AVEN: variants seen among roughly 807,000 people sequenced by gnomAD.
AVEN encodes the protein cell death regulator Aven.
Under a neutral mutation model 38.1 loss-of-function variants are expected in AVEN, and 41 were observed. The ratio of observed to expected loss-of-function variants is 1.08; its 90% CI spans 0.84 to 1.40. The LOEUF is 1.40. Ranked by LOEUF, AVEN falls within the 40% of genes most tolerant of loss-of-function variation. The pLI, the probability that AVEN is intolerant of heterozygous loss-of-function variation, is 0.00. For synonymous variants in AVEN, 206 were observed against 171.8 expected, an observed-to-expected ratio of 1.20 and a Z score of -1.56; for missense variants, 605 against 438.8, an observed-to-expected ratio of 1.38 and a Z score of -3.38.
chr15:33,924,535 T>C (rs1489192621), intron 2 of AVEN, among the ~76,000 whole-genome samples: 1 of 152,184 alleles, frequency 6.6e-6, no homozygotes, highest in Non-Finnish European at 1.5e-5. Flanking sequence ...TTGCCCAGAC[T>C]GGTCTTCAAC....
At chr15:33,930,559 A>G (rs1395893916) in intron 2 of AVEN, among the ~76,000 whole-genome samples, 1 of 152,214 alleles carries the variant, frequency 6.6e-6, no homozygotes, top group Non-Finnish European at 1.5e-5. Context: ...AACAGCCTAC[A>G]TATACTTTCT....
At chr15:33,946,992 C>A (rs961220351) in intron 2 of AVEN, among the ~76,000 whole-genome samples, 2 of 152,120 alleles carry the variant, frequency 1.3e-5, no homozygotes, top group Non-Finnish European at 2.9e-5. Flanking sequence ...GGCTGGTTGT[C>A]AGCAGTTTCA....
intron 2 of AVEN, among the ~76,000 whole-genome samples, chr15:33,912,702 T>C (rs745810066): frequency 6.6e-6 from 1 of 152,170 alleles, no homozygotes; most frequent in Non-Finnish European, 1.5e-5. Flanking sequence ...AACAAATCAA[T>C]TGTCACAAGA....
intron 2 of AVEN, chr15:33,990,713 A>G (rs570002110): frequency 6.6e-6 from 1 of 152,240 alleles, no homozygotes; most frequent in Non-Finnish European, 1.5e-5. Context: ...AGTGAAAACA[A>G]TGGCTGCTCT....
At chr15:34,035,218 A>C (rs1314588827) in intron 1 of AVEN, among the ~76,000 whole-genome samples, 3 of 152,222 alleles carry the variant, frequency 2.0e-5, no homozygotes, top group African/African-American at 7.2e-5. Flanking sequence ...TACAACTATA[A>C]ACAGCTGTCT....
chr15:34,062,122 C>T (rs2140845333), intron 5 of AVEN, among the ~76,000 whole-genome samples: 1 of 152,242 alleles, frequency 6.6e-6, no homozygotes, highest in African/African-American at 2.4e-5. Context: ...GGGCAGCAGC[C>T]TCATGCATAA....
intron 2 of AVEN, among the ~76,000 whole-genome samples, chr15:33,912,265 G>A (rs759589875): frequency 2.0e-5 from 3 of 152,172 alleles, no homozygotes; most frequent in Non-Finnish European, 4.4e-5. Context: ...CTCCCTACAC[G>A]TTGGCTGCCT....
intron 2 of AVEN, among the ~76,000 whole-genome samples, chr15:33,979,784 T>C (rs917002367): frequency 6.6e-6 from 1 of 152,228 alleles, no homozygotes; most frequent in African/African-American, 2.4e-5. Context: ...AGGACACATG[T>C]AGAGAAACAC....
At chr15:34,019,652 T>A (rs1013292047) in intron 1 of AVEN, among the ~76,000 whole-genome samples, 7 of 152,238 alleles carry the variant, frequency 4.6e-5, no homozygotes, top group Non-Finnish European at 7.3e-5. Flanking sequence ...GTACCTTTTT[T>A]ATGTTTAGAC....
At chr15:33,952,836 C>G (rs916047770) in intron 2 of AVEN, among the ~76,000 whole-genome samples, 1 of 150,542 alleles carries the variant, frequency 6.6e-6, no homozygotes, top group Non-Finnish European at 1.5e-5. Flanking sequence ...GCCATACACC[C>G]TTGTCCATAA....
intron 2 of AVEN, among the ~76,000 whole-genome samples, chr15:33,931,121 CGATG>C (rs149567983): frequency 0.02 from 3,024 of 152,058 alleles, 53 homozygotes; most frequent in South Asian, 0.06. Flanking sequence ...TGACTACCAA[CGATG>C]GATACGGCAC....
intron 2 of AVEN, among the ~76,000 whole-genome samples, chr15:33,901,221 C>T (rs939806476): frequency 8.5e-5 from 13 of 152,108 alleles, no homozygotes; most frequent in African/African-American, 2.2e-4. Context: ...GAGCGGAGAT[C>T]GCACCACTGC....
chr15:34,021,335 G>T (rs1898191899), intron 1 of AVEN, among the ~76,000 whole-genome samples: 2 of 151,618 alleles, frequency 1.3e-5, no homozygotes, highest in African/African-American at 4.8e-5. Flanking sequence ...GCCCAGACTG[G>T]AGTACAATGG....
At chr15:33,967,176 T>C (rs1315689554) in intron 2 of AVEN, among the ~76,000 whole-genome samples, 1 of 152,152 alleles carries the variant, frequency 6.6e-6, no homozygotes, top group African/African-American at 2.4e-5. Context: ...TACAAATGTG[T>C]GTCAAAGACC....
chr15:33,873,089 CTTTTCTTTTT>C (rs1220376426), intron 3 of AVEN, among the ~76,000 whole-genome samples: 82 of 138,162 alleles, frequency 5.9e-4, no homozygotes, highest in African/African-American at 2.1e-3. Flanking sequence ...TCTACTTTTC[CTTTTCTTTTT>C]TTTTTTTTTT....
chr15:34,024,790 G>A (rs148341617), intron 1 of AVEN, among the ~76,000 whole-genome samples: 7,759 of 151,708 alleles, frequency 0.051, 662 homozygotes, highest in African/African-American at 0.18. Flanking sequence ...GAACCCAAGA[G>A]GCAGAGGTTG....
intron 5 of AVEN, chr15:34,062,759 C>T (rs1480664120): frequency 6.2e-7 from 1 of 1,613,646 alleles, no homozygotes; most frequent in Admixed American, 1.7e-5. Flanking sequence ...CCGTCAATGG[C>T]ACCCCAGTAA....
chr15:34,040,332 C>T (rs540324178), upstream of AVEN, among the ~76,000 whole-genome samples: 2 of 152,110 alleles, frequency 1.3e-5, no homozygotes, highest in South Asian at 4.2e-4. Flanking sequence ...AACGGGTTAC[C>T]CAAGGCTTCA....
intron 2 of AVEN, among the ~76,000 whole-genome samples, chr15:33,974,182 G>T (rs971800168): frequency 2.6e-5 from 4 of 152,092 alleles, no homozygotes; most frequent in African/African-American, 9.7e-5. Context: ...ATCTAAATTG[G>T]TCTTGCTATT....
Sources: gnomAD v4.1 joint callset for allele counts (sites outside exome capture counted in the v4.1 genomes callset) on GRCh38, gnomAD v4.1.1 for gene constraint, MANE v1.5 for transcripts, NCBI Gene and HGNC (gene_info 2026-07-23, HGNC 2026-07-21) for gene names.